Variants in COL23A1 observed in about 807,000 individuals in gnomAD.
The protein encoded by COL23A1 is collagen alpha-1(XXIII) chain.
Under a neutral mutation model 99.3 loss-of-function variants are expected in COL23A1, and 97 were observed. The ratio of observed to expected loss-of-function variants is 0.98; its 90% CI spans 0.83 to 1.16. The LOEUF is 1.16. Ranked by LOEUF, COL23A1 falls within the 50% of genes most tolerant of loss-of-function variation. The pLI is 0.00. For synonymous variants in COL23A1, 320 were observed against 308.2 expected (o/e 1.04, Z -0.40); for missense variants, 762 against 757.4 (o/e 1.01, Z -0.07).
rs936667525 is a variant in COL23A1 at position 178,589,432 on chromosome 5, C to T, written c.294+472G>A. Among the ~76,000 whole-genome samples, 1 of 152,114 alleles carries T rather than the reference C, an allele frequency of 6.6e-6. No homozygotes were observed. The highest frequency in any genetic ancestry group is 1.5e-5 in the Non-Finnish European group (1 of 68,016). Reference sequence around the variant, plus strand: ...CTGGAGCACAGCGGGGCCCAGCCCTCGGGCCTGTCTGAGGCTTTCCTCCGC... The same window carrying T: ...CTGGAGCACAGCGGGGCCCAGCCCTTGGGCCTGTCTGAGGCTTTCCTCCGC... On this transcript the variant is annotated intron_variant, in intron 1 of 28. Transcript: ENST00000390654. This position sits in a 1 kb window ranked among gnomAD's most constrained non-coding sequence, Gnocchi z 5.4.
intron 2 of COL23A1, among the ~76,000 whole-genome samples, chr5:178,402,986 C>T (rs560826211): frequency 2.0e-5 from 3 of 151,268 alleles, no homozygotes; most frequent in Non-Finnish European, 2.9e-5. Context: ...TGTGCACCCA[C>T]AGTCCCAGCT....
intron 8 of COL23A1, among the ~76,000 whole-genome samples, chr5:178,264,939 C>T (rs527406966): frequency 6.6e-6 from 1 of 152,326 alleles, no homozygotes; most frequent in African/African-American, 2.4e-5. Context: ...AGCCACTGCA[C>T]CCCGCTGAAG....
At chr5:178,498,381 A>G (rs1758348140) in intron 2 of COL23A1, among the ~76,000 whole-genome samples, 1 of 151,520 alleles carries the variant, frequency 6.6e-6, no homozygotes. Context: ...AGCAAATGGT[A>G]GAATATCCTC....
intron 17 of COL23A1, 140 bp from the exon 18 acceptor site, chr5:178,250,245 G>A (rs995537164): frequency 2.6e-5 from 21 of 819,678 alleles, no homozygotes; most frequent in South Asian, 2.0e-4. Flanking sequence ...AGGACCCACC[G>A]CCTCCTCTGT....
intron 2 of COL23A1, among the ~76,000 whole-genome samples, chr5:178,540,408 T>A (rs1761222394): frequency 6.6e-6 from 1 of 152,024 alleles, no homozygotes; most frequent in African/African-American, 2.4e-5. Flanking sequence ...AATTCTTACC[T>A]ATCTACACAA....
intron 2 of COL23A1, among the ~76,000 whole-genome samples, chr5:178,322,159 A>AT (rs1258453509): frequency 1.3e-5 from 2 of 151,270 alleles, no homozygotes; most frequent in Non-Finnish European, 2.9e-5. Context: ...CGCCCAGTTA[A>AT]TTTTTTCTAT....
intron 2 of COL23A1, among the ~76,000 whole-genome samples, chr5:178,357,944 GTGTGTA>G (rs1331587921): frequency 6.9e-6 from 1 of 145,678 alleles, no homozygotes; most frequent in Non-Finnish European, 1.5e-5. Context: ...GTATGTATGT[GTGTGTA>G]TGTATATGTG....
chr5:178,321,425 A>G lies in COL23A1; in HGVS notation c.362-14506T>C, dbSNP rs546736771. 2.7e-5 allele frequency among the ~76,000 whole-genome samples: 4 copies of G among 149,062 alleles called. No individual in the cohort carries two copies. The East Asian group carries it at 8.0e-4, about 30-fold the overall frequency. ...CTGTGACTGTCTTGTTTCCCTGAGC[A>G]TGGTGTCCTCAAGGTCCATCCATGT... On this transcript the variant is annotated intron_variant, in intron 2 of 28. Transcript: ENST00000390654.
chr5:178,548,529 C>A (rs1761834054), intron 2 of COL23A1, among the ~76,000 whole-genome samples: 1 of 150,742 alleles, frequency 6.6e-6, no homozygotes, highest in African/African-American at 2.4e-5. Context: ...CTGTGGGGAT[C>A]CCTATCCACA....
chr5:178,529,118 T>G (rs1760494198), intron 2 of COL23A1, among the ~76,000 whole-genome samples: 1 of 152,252 alleles, frequency 6.6e-6, no homozygotes, highest in South Asian at 2.1e-4. Context: ...ATGTCTGGAA[T>G]GTCTGATATG....
intron 2 of COL23A1, among the ~76,000 whole-genome samples, chr5:178,367,138 C>T (rs1482327221): frequency 6.6e-6 from 1 of 152,190 alleles, no homozygotes; most frequent in Non-Finnish European, 1.5e-5. Context: ...TTAGCCAAAT[C>T]GTTATCTGAG....
At chr5:178,272,040 G>A (rs1756319941) in intron 5 of COL23A1, among the ~76,000 whole-genome samples, 1 of 152,200 alleles carries the variant, frequency 6.6e-6, no homozygotes, top group Admixed American at 6.5e-5. Context: ...CTGTGGTTAG[G>A]GCCAGCTTCA....
chr5:178,503,974 T>C (rs1358097538), intron 2 of COL23A1, among the ~76,000 whole-genome samples: 1 of 152,002 alleles, frequency 6.6e-6, no homozygotes, highest in Admixed American at 6.5e-5. Context: ...CATGATCACA[T>C]TTTGCTTTGT....
At chr5:178,553,169 T>TAAAAA (rs55857926) in intron 2 of COL23A1, among the ~76,000 whole-genome samples, 7 of 135,068 alleles carry the variant, frequency 5.2e-5, no homozygotes, top group Non-Finnish European at 7.8e-5. Flanking sequence ...GATCCTATCT[T>TAAAAA]AAAAAAAAAA....
intron 2 of COL23A1, among the ~76,000 whole-genome samples, chr5:178,430,156 C>T (rs1445997263): frequency 6.6e-6 from 1 of 152,178 alleles, no homozygotes; most frequent in Non-Finnish European, 1.5e-5. Context: ...ACTGTCACTT[C>T]GAGACCTTAA....
intron 2 of COL23A1, among the ~76,000 whole-genome samples, chr5:178,474,034 T>G (rs1206011123): frequency 2.6e-5 from 4 of 152,154 alleles, no homozygotes; most frequent in Admixed American, 2.6e-4. Flanking sequence ...AAAGCTGACG[T>G]CATCAAGAGA....
At chr5:178,325,199 C>G (rs1214777511) in intron 2 of COL23A1, among the ~76,000 whole-genome samples, 1 of 152,226 alleles carries the variant, frequency 6.6e-6, no homozygotes, top group East Asian at 1.9e-4. Flanking sequence ...CACTGCCTGC[C>G]CCGTTTCCTC....
intron 2 of COL23A1, among the ~76,000 whole-genome samples, chr5:178,515,032 T>C (rs933628934): frequency 2.0e-5 from 3 of 152,228 alleles, no homozygotes; most frequent in Admixed American, 1.3e-4. Context: ...AGCAAACTTT[T>C]CCACATGCTC....
intron 2 of COL23A1, among the ~76,000 whole-genome samples, chr5:178,465,025 G>A (rs950980955): frequency 1.3e-5 from 2 of 152,188 alleles, no homozygotes; most frequent in Non-Finnish European, 2.9e-5. Context: ...GGATGAAGAG[G>A]TAGCTTTGAG....
Sources: allele counts gnomAD v4.1 joint callset (sites outside exome capture counted in the v4.1 genomes callset), GRCh38; gene constraint gnomAD v4.1.1; non-coding constraint Gnocchi (gnomAD v3.1); transcripts MANE v1.5; gene names NCBI Gene and HGNC (gene_info 2026-07-23, HGNC 2026-07-21).